Variants in FER observed in about 807,000 individuals in gnomAD.
FER encodes the protein tyrosine-protein kinase Fer.
FER carries 63 observed loss-of-function variants against 111.0 expected under a neutral mutation model. That is an observed-to-expected ratio of 0.57 (90% CI 0.46 to 0.70). FER has a LOEUF of 0.70. Ranked by LOEUF, FER falls within the 30% of genes least tolerant of loss-of-function variation. FER has a pLI of 0.00. For missense variants in FER, 914 were observed against 954.0 expected (o/e 0.96, Z 0.55); for synonymous variants, 327 against 313.9 (o/e 1.04, Z -0.44).
intron 17 of FER, among the ~76,000 whole-genome samples, chr5:109,142,056 G>A (rs574942988): frequency 6.6e-6 from 1 of 152,124 alleles, no homozygotes; most frequent in East Asian, 1.9e-4. Context: ...TGAATTTTCC[G>A]TGAGCATTAT....
intron 2 of FER, chr5:108,785,020 A>T (rs111272239): frequency 6.9e-4 from 225 of 324,646 alleles, no homozygotes; most frequent in African/African-American, 4.2e-3. Context: ...GGGTGTATGC[A>T]GATACACTGT....
chr5:108,996,837 A>G (rs931174496), intron 13 of FER, among the ~76,000 whole-genome samples: 4 of 152,148 alleles, frequency 2.6e-5, no homozygotes, highest in Admixed American at 6.5e-5. Flanking sequence ...CATTTAATCT[A>G]TACATTACTT....
At chr5:108,922,101 A>G (rs1654742118) in intron 10 of FER, among the ~76,000 whole-genome samples, 2 of 152,204 alleles carry the variant, frequency 1.3e-5, no homozygotes, top group South Asian at 4.1e-4. Context: ...TGCTATCACA[A>G]GCAAAGGAAT....
chr5:109,031,991 T>C (rs959950231), intron 13 of FER, among the ~76,000 whole-genome samples: 1 of 152,204 alleles, frequency 6.6e-6, no homozygotes, highest in African/African-American at 2.4e-5. Context: ...ACATATGCAA[T>C]GTATGGAGCA....
intron 13 of FER, among the ~76,000 whole-genome samples, chr5:109,020,031 A>G (rs1209222764): frequency 6.6e-6 from 1 of 151,980 alleles, no homozygotes; most frequent in Non-Finnish European, 1.5e-5. Context: ...ACTGCTTTGC[A>G]GTGCAACTGT....
At chr5:108,918,635 C>T (rs11957154) in intron 10 of FER, among the ~76,000 whole-genome samples, 2,423 of 151,904 alleles carry the variant, frequency 0.016, 53 homozygotes, top group African/African-American at 0.056. Context: ...TACAGGCCCC[C>T]GCCACCACGC....
chr5:108,825,264 A>G lies in FER; in HGVS notation c.208-7506A>G, dbSNP rs1403026189. On this transcript the variant is annotated intron_variant, in intron 3 of 19. Coordinates refer to ENST00000281092, the MANE Select transcript of FER (RefSeq NM_005246.4). Reference sequence around the variant, plus strand: ...GGAGCGCTATGGGAGACTGGAGTTTATTTCACCCCTGCAGTCTCAACCATA... The same window carrying G: ...GGAGCGCTATGGGAGACTGGAGTTTGTTTCACCCCTGCAGTCTCAACCATA... 2.6e-5 allele frequency among the ~76,000 whole-genome samples: 4 copies of G among 152,092 alleles called. No individual in the cohort carries two copies. In the South Asian group the frequency reaches 6.2e-4, roughly 24 times the overall value.
intron 8 of FER, among the ~76,000 whole-genome samples, chr5:108,878,363 A>C (rs1230653138): frequency 1.3e-5 from 2 of 152,162 alleles, no homozygotes; most frequent in Non-Finnish European, 2.9e-5. Context: ...TCTAGGTTTA[A>C]CTCATGAAGA....
intron 14 of FER, among the ~76,000 whole-genome samples, chr5:109,039,431 T>C (rs1770848783): frequency 6.6e-6 from 1 of 152,126 alleles, no homozygotes; most frequent in Non-Finnish European, 1.5e-5. Flanking sequence ...ATATTCTTTC[T>C]AGGAGGAGAA....
At chr5:109,041,640 G>A (rs1160792014) in intron 14 of FER, among the ~76,000 whole-genome samples, 1 of 152,164 alleles carries the variant, frequency 6.6e-6, no homozygotes, top group African/African-American at 2.4e-5. Flanking sequence ...AGTTTGAATT[G>A]TTGGAAGGTC....
At chr5:109,028,849 C>A (rs1186555371) in intron 13 of FER, among the ~76,000 whole-genome samples, 1 of 152,138 alleles carries the variant, frequency 6.6e-6, no homozygotes, top group Non-Finnish European at 1.5e-5. Flanking sequence ...CTCAGGAAAT[C>A]CCATTTGAGT....
rs1581669034 is a variant in FER, at chr5:109,017,370, A to C, written c.1657-20052A>C. On this transcript the variant is annotated intron_variant, in intron 13 of 19. Coordinates refer to ENST00000281092, the MANE Select transcript of FER (RefSeq NM_005246.4). ...TTTTATTTCATACATTACAAATACAAAACATATTGTTTTAAGAATTGCTTT... is the reference window on the plus strand; with the variant it reads ...TTTTATTTCATACATTACAAATACACAACATATTGTTTTAAGAATTGCTTT... Among the ~76,000 whole-genome samples the C allele has an allele frequency of 2.0e-5, 3 of 152,176 alleles. No individual in the cohort carries two copies. In the East Asian group the frequency reaches 5.8e-4, roughly 29 times the overall value.
rs151002119 is a variant in FER at position 108,796,207 on chromosome 5, G to A, written c.-59-1917G>A. ...CCAGCAGAAACTCTTGTTCCCTTTCGTTACTTTCTCCCAAACAAATGGAGT... is the reference window on the plus strand; with the variant it reads ...CCAGCAGAAACTCTTGTTCCCTTTCATTACTTTCTCCCAAACAAATGGAGT... On this transcript the variant is annotated intron_variant, in intron 2 of 19. Transcript: ENST00000281092. 1.1e-3 allele frequency among the ~76,000 whole-genome samples: 172 copies of A among 152,268 alleles called. 2 individuals carry two copies. The highest frequency in any genetic ancestry group is 8.4e-4 in the Non-Finnish European group (57 of 68,018).
At position 109,146,257 on chromosome 5, in the gene FER, T is replaced by TATATATATATTATCTATCTA. The variant is rs1561953821; in HGVS notation, c.2049-34480_2049-34479insTATCTATCTAATATATATAT. On this transcript the variant is annotated intron_variant, in intron 17 of 19. Transcript: ENST00000281092. The stretch of plus-strand genomic sequence containing the variant: ...TAATATATATATAATCTATCTAATA[T>TATATATATATTATCTATCTA]ATATATATATATATATATATATATA... Among the ~76,000 whole-genome samples, 47 of 63,696 alleles carry TATATATATATTATCTATCTA rather than the reference T, an allele frequency of 7.4e-4. 1 individual carries two copies. Among genetic ancestry groups the TATATATATATTATCTATCTA allele is most frequent in the African/African-American group, 3.5e-3 (44 of 12,504 alleles). 41.8% of individuals were successfully genotyped at this position (63,696 alleles called of 152,430 possible).
At chr5:108,887,940 T>C (rs1323730892) in intron 9 of FER, among the ~76,000 whole-genome samples, 1 of 151,874 alleles carries the variant, frequency 6.6e-6, no homozygotes, top group Non-Finnish European at 1.5e-5. Flanking sequence ...GATTATTTAA[T>C]TTTGTATTGT....
At chr5:108,962,015 A>G (rs73211525) in intron 13 of FER, among the ~76,000 whole-genome samples, 1 of 152,084 alleles carries the variant, frequency 6.6e-6, no homozygotes, top group Non-Finnish European at 1.5e-5. Flanking sequence ...CTCTGCTCCT[A>G]CCCATAAAAA....
intron 13 of FER, among the ~76,000 whole-genome samples, chr5:109,004,392 G>A (rs1663800478): frequency 6.6e-6 from 1 of 152,106 alleles, no homozygotes; most frequent in South Asian, 2.1e-4. Context: ...TTCTAGGAAT[G>A]TATTATAAAT....
intron 10 of FER, among the ~76,000 whole-genome samples, chr5:108,915,990 C>T (rs1752218440): frequency 6.6e-6 from 1 of 152,184 alleles, no homozygotes; most frequent in African/African-American, 2.4e-5. Flanking sequence ...CTTCCCTCTT[C>T]TCTCCTGCTT....
intron 13 of FER, among the ~76,000 whole-genome samples, chr5:109,013,405 G>T (rs1437166891): frequency 5.3e-5 from 8 of 151,834 alleles, no homozygotes; most frequent in South Asian, 4.2e-4. Flanking sequence ...CAGAGGACAT[G>T]AACTCATCAA....
Sources: gnomAD v4.1 joint callset for allele counts (sites outside exome capture counted in the v4.1 genomes callset) on GRCh38, gnomAD v4.1.1 for gene constraint, MANE v1.5 for transcripts, NCBI Gene and HGNC (gene_info 2026-07-23, HGNC 2026-07-21) for gene names.